KLRG1: variants seen among roughly 807,000 people sequenced by gnomAD.
The protein encoded by KLRG1 is killer cell lectin-like receptor subfamily G member 1.
In KLRG1, 16 loss-of-function variants were observed where a neutral mutation model predicts 21.8. That is an observed-to-expected ratio of 0.73 (90% confidence interval 0.50 to 1.11). The LOEUF is 1.11. KLRG1 is among the 50% of genes most tolerant of loss of function. The pLI is 0.00. For synonymous variants in KLRG1, 69 were observed against 75.9 expected, an observed-to-expected ratio of 0.91 and a Z score of 0.47; for missense variants, 173 against 218.3, an observed-to-expected ratio of 0.79 and a Z score of 1.31.
At chr12:9,135,259 C>A in the KLRG1 span, 1 of 261,380 alleles carries the variant, frequency 3.8e-6, no homozygotes, top group South Asian at 5.5e-5. Flanking sequence ...TACAAAAGAT[C>A]AAGTTATCTT....
At chr12:8,969,713 T>C (rs1326794761) in intron 1 of KLRG1, among the ~76,000 whole-genome samples, 1 of 152,096 alleles carries the variant, frequency 6.6e-6, no homozygotes, top group Non-Finnish European at 1.5e-5. Context: ...TTTTTTAAAG[T>C]GATCAATAAA....
At chr12:9,100,686 T>C in the KLRG1 span, among the ~76,000 whole-genome samples, 3 of 152,236 alleles carry the variant, frequency 2.0e-5, no homozygotes, top group Non-Finnish European at 4.4e-5. Flanking sequence ...CCCTCAACTT[T>C]CTTTTAATTA....
At chr12:9,112,480 T>A in the KLRG1 span, 2 of 1,613,858 alleles carry the variant, frequency 1.2e-6, no homozygotes, top group South Asian at 2.2e-5. Context: ...CTTGGGTTGG[T>A]CCTTTCACTT....
chr12:9,212,468 GT>G, the KLRG1 span, among the ~76,000 whole-genome samples: 2 of 150,850 alleles, frequency 1.3e-5, no homozygotes, highest in South Asian at 2.1e-4. Flanking sequence ...ATCTTTTCTA[GT>G]TTTTTTATGT....
downstream of KLRG1, among the ~76,000 whole-genome samples, chr12:9,014,277 A>G (rs1592287834): frequency 6.6e-6 from 1 of 152,200 alleles, no homozygotes; most frequent in Non-Finnish European, 1.5e-5. Flanking sequence ...TAGAACACCA[A>G]GTAGACTTAA....
the KLRG1 span, among the ~76,000 whole-genome samples, chr12:9,045,216 T>C: frequency 6.6e-6 from 1 of 152,126 alleles, no homozygotes; most frequent in African/African-American, 2.4e-5. Context: ...AAACCATCAC[T>C]CAGAAAACTG....
chr12:9,072,529 A>T, the KLRG1 span: 12 of 1,603,006 alleles, frequency 7.5e-6, no homozygotes, highest in East Asian at 6.7e-5. Context: ...GCCCTTTCCC[A>T]GAATTCCTGT....
chr12:9,080,686 A>G, the KLRG1 span, among the ~76,000 whole-genome samples: 3 of 152,226 alleles, frequency 2.0e-5, no homozygotes, highest in African/African-American at 4.8e-5. Flanking sequence ...AAACCTAGAA[A>G]ATTGAGGGTA....
chr12:9,023,600 C>T, the KLRG1 span, among the ~76,000 whole-genome samples: 1 of 151,704 alleles, frequency 6.6e-6, no homozygotes, highest in Non-Finnish European at 1.5e-5. Context: ...CTCTATCACC[C>T]AGGCTGGAGT....
the KLRG1 span, among the ~76,000 whole-genome samples, chr12:9,060,236 A>T: frequency 6.6e-6 from 1 of 150,748 alleles, no homozygotes; most frequent in African/African-American, 2.4e-5. Context: ...GTTAGCCAGG[A>T]TGGTCTCGAT....
At chr12:9,157,483 T>C in the KLRG1 span, 8 of 892,218 alleles carry the variant, frequency 9.0e-6, no homozygotes, top group African/African-American at 1.0e-4. Context: ...TAGATATTCA[T>C]CATATTTAAA....
At chr12:9,048,964 G>A in the KLRG1 span, among the ~76,000 whole-genome samples, 5 of 152,222 alleles carry the variant, frequency 3.3e-5, no homozygotes, top group African/African-American at 1.2e-4. Context: ...TTGGGGCAGG[G>A]TTACCTGGCT....
intron 1 of KLRG1, among the ~76,000 whole-genome samples, chr12:8,965,188 A>T (rs984184146): frequency 5.0e-4 from 76 of 152,214 alleles, no homozygotes; most frequent in Admixed American, 8.5e-4. Context: ...GATGTATCTC[A>T]AAATAATAAG....
chr12:9,108,431 A>C, the KLRG1 span, among the ~76,000 whole-genome samples: 1 of 152,146 alleles, frequency 6.6e-6, no homozygotes, highest in Admixed American at 6.5e-5. Flanking sequence ...GGGCCTGTTT[A>C]CTTTTTTACA....
chr12:9,068,741 C>T, the KLRG1 span: 14 of 1,594,498 alleles, frequency 8.8e-6, no homozygotes, highest in Middle Eastern at 1.7e-4. Context: ...CTCACTCACC[C>T]GTCTCGTAGT....
chr12:9,159,976 G>T, the KLRG1 span: 1 of 1,613,950 alleles, frequency 6.2e-7, no homozygotes, highest in South Asian at 1.1e-5. Context: ...GTTCCCCAAA[G>T]GTGCTGTAGG....
At chr12:8,953,986 G>C (rs149519820) in intron 1 of KLRG1, among the ~76,000 whole-genome samples, 76 of 152,278 alleles carry the variant, frequency 5.0e-4, no homozygotes, top group Admixed American at 2.0e-3. Context: ...AGGCCGAGAA[G>C]TTGCGGGAGG....
At chr12:9,097,911 G>A in the KLRG1 span, among the ~76,000 whole-genome samples, 4 of 152,288 alleles carry the variant, frequency 2.6e-5, no homozygotes, top group African/African-American at 2.4e-5. Context: ...GATTACAGGC[G>A]TGAGCCACCA....
At chr12:8,950,621 T>C (rs986269265) in intron 1 of KLRG1, among the ~76,000 whole-genome samples, 2 of 152,150 alleles carry the variant, frequency 1.3e-5, no homozygotes, top group Non-Finnish European at 2.9e-5. Flanking sequence ...TATGTGTGCC[T>C]CTCTGGCTCT....
Sources: gnomAD v4.1 joint callset for allele counts (sites outside exome capture counted in the v4.1 genomes callset) on GRCh38, gnomAD v4.1.1 for gene constraint, MANE v1.5 for transcripts, NCBI Gene and HGNC (gene_info 2026-07-23, HGNC 2026-07-21) for gene names.